The following RFWD3 variants were observed in gnomAD, a reference collection of about 807,000 sequenced individuals.
RFWD3 encodes ring finger and WD repeat domain 3.
In RFWD3, 65 loss-of-function variants were observed where a neutral mutation model predicts 87.7. The ratio of observed to expected loss-of-function variants is 0.74; its 90% CI spans 0.61 to 0.91. The LOEUF is 0.91. Ranked by LOEUF, RFWD3 falls within the 40% of genes least tolerant of loss-of-function variation. RFWD3 has a pLI of 0.00. For synonymous variants in RFWD3, 433 were observed against 352.8 expected (o/e 1.23, Z -2.55); for missense variants, 1,078 against 938.5 (o/e 1.15, Z -1.94).
chr16:74,642,799 T>A (rs1178242776), intron 6 of RFWD3, among the ~76,000 whole-genome samples: 1 of 152,180 alleles, frequency 6.6e-6, no homozygotes, highest in Non-Finnish European at 1.5e-5. Context: ...AGCCTATTTA[T>A]TTTCAAAAAG....
At position 74,628,465 on chromosome 16, in the gene RFWD3, C is replaced by G. The variant is rs137961728; in HGVS notation, c.1956G>C (p.Val652=). 3.2e-4 allele frequency: 515 copies of G among 1,614,114 alleles called. 2 individuals are homozygous for G. In the African/African-American group the frequency reaches 6.5e-3, roughly 20 times the overall value. Residue 652 remains valine (V), a synonymous_variant, in exon 11 of 13, where the codon GTG becomes GTC. Coordinates refer to ENST00000361070, the MANE Select transcript of RFWD3 (RefSeq NM_018124.4). ...QTENSSRHCL[V]TYRPDKNHTT... ...AGCACTACTTACCAGGCCTGTAGGT[C>G]ACAAGACAGTGCCGGGAGCTGTTCT... is the stretch of plus-strand genomic sequence containing the variant.
chr16:74,660,261 C>T (rs1237647787), intron 2 of RFWD3, among the ~76,000 whole-genome samples: 2 of 152,176 alleles, frequency 1.3e-5, no homozygotes, highest in Non-Finnish European at 2.9e-5. Flanking sequence ...CAGAGTGAGA[C>T]TCCATCTCAA....
In RFWD3 at chr16:74,644,561, G is replaced by C. The variant is rs747905365; in HGVS notation, c.967C>G (p.Gln323Glu). 7 of 1,614,036 alleles carry C rather than the reference G, an allele frequency of 4.3e-6. No homozygotes were observed. Among genetic ancestry groups the C allele is most frequent in the Admixed American group, 1.7e-5 (1 of 59,980 alleles). ...CTTACCTGGGGACATTTTCGTACTTGTCCTTTAAGCCACGTGGAAATGCAC... is the reference window on the plus strand; with the variant it reads ...CTTACCTGGGGACATTTTCGTACTTCTCCTTTAAGCCACGTGGAAATGCAC... ...YRCISTWLKG[Q>E]VRKCPQCNKK... Residue 323 changes from glutamine to glutamate, a missense_variant, in exon 5 of 13, where the codon CAA becomes GAA. Physicochemically the swap from Gln to Glu is conservative, Grantham distance 29. Transcript: ENST00000361070.
intron 11 of RFWD3, 68 bp from the exon 12 acceptor site, chr16:74,626,622 C>T: frequency 2.4e-6 from 3 of 1,258,312 alleles, no homozygotes; most frequent in Non-Finnish European, 2.3e-6. Context: ...AGTACCCAAA[C>T]CTCACACGCT....
In RFWD3 at chr16:74,630,874, T is replaced by C. The variant is rs779390145; in HGVS notation, c.1661A>G (p.Tyr554Cys). 6.2e-6 allele frequency: 10 copies of C among 1,614,076 alleles called. 1 individual carries two copies. The highest frequency in any genetic ancestry group is 6.8e-6 in the Non-Finnish European group (8 of 1,179,954). The change falls in exon 10 of 13, where the codon TAC becomes TGC. Residue 554 changes from tyrosine to cysteine, a missense_variant. Transcript: ENST00000361070. ...SCCWCLDEAN[Y>C]IYAGLANGSI... ...ACCATTGGCCAGTCCAGCATAGATG[T>C]AGTTAGCCTCATCAAGACACCAGCA...
At chr16:74,627,840 C>A (rs78199625) in intron 11 of RFWD3, among the ~76,000 whole-genome samples, 2,874 of 152,288 alleles carry the variant, frequency 0.019, 39 homozygotes, top group South Asian at 0.027. Context: ...TAGCCACTCT[C>A]CTGACAGAGA....
intron 2 of RFWD3, among the ~76,000 whole-genome samples, chr16:74,654,312 A>C (rs1960800802): frequency 6.6e-6 from 1 of 151,890 alleles, no homozygotes; most frequent in African/African-American, 2.4e-5. Flanking sequence ...TATTTCATTT[A>C]TTTATATGCT....
At chr16:74,624,526 G>T (rs767294942) in intron 12 of RFWD3, among the ~76,000 whole-genome samples, 1 of 152,142 alleles carries the variant, frequency 6.6e-6, no homozygotes, top group Non-Finnish European at 1.5e-5. Flanking sequence ...CTCCCAAGTA[G>T]CTGGGATTAC....
Position 74,626,455 on chromosome 16 carries a change from A to T in RFWD3, c.2069T>A (p.Phe690Tyr), listed in dbSNP as rs1958934966. Residue 690 changes from phenylalanine (F) to tyrosine (Y), a missense_variant, in exon 12 of 13, where the codon TTT (phenylalanine) becomes TAT (tyrosine). Phe to Tyr is a conservative substitution (Grantham distance 22). Coordinates refer to ENST00000361070, the MANE Select transcript of RFWD3 (RefSeq NM_018124.4). ...TAGTTTGCAAGTAGGTCCTCCAAAAAATGTATGTACAGGCTGGCAGGAGCA... is the reference window on the plus strand; with the variant it reads ...TAGTTTGCAAGTAGGTCCTCCAAAATATGTATGTACAGGCTGGCAGGAGCA... ...PICSCQPVHT[F>Y]FGGPTCKLLT... 1.2e-6 allele frequency: 2 copies of T among 1,614,196 alleles called. No homozygotes were observed. The highest frequency in any genetic ancestry group is 1.7e-5 in the Admixed American group (1 of 60,026).
intron 4 of RFWD3, among the ~76,000 whole-genome samples, chr16:74,644,996 T>A (rs1960009935): frequency 6.6e-6 from 1 of 152,258 alleles, no homozygotes; most frequent in Non-Finnish European, 1.5e-5. Flanking sequence ...GAAAAGCAGC[T>A]ATCCATATAA....
chr16:74,644,784 T>C, intron 4 of RFWD3, 49 bp from the exon 5 acceptor site: 1 of 1,547,398 alleles, frequency 6.5e-7, no homozygotes, highest in Non-Finnish European at 8.8e-7. Flanking sequence ...GTAAAATCAA[T>C]CTTGAAGAAG....
Position 74,661,365 on chromosome 16 carries a change from TGCTGGCCATGCCAGCAGGA to T in RFWD3, c.66_84del (p.Pro23AlafsTer32), listed in dbSNP as rs778617759. On this transcript the variant is annotated frameshift_variant, in exon 2 of 13. Transcript: ENST00000361070. LOFTEE classifies it high-confidence loss of function. ...TGGAGGAGGGCTGGTCCCCCTTGGC[TGCTGGCCATGCCAGCAGGA>T]GCTGGCTGTTGTTCGGCATGATTTA... is the stretch of plus-strand genomic sequence containing the variant. The T allele has an allele frequency of 1.2e-6, 2 of 1,614,106 alleles. No homozygotes were observed. The highest frequency in any genetic ancestry group is 1.3e-5 in the African/African-American group (1 of 75,066).
chr16:74,636,623 AT>A (rs1369475028), intron 7 of RFWD3, 46 bp from the exon 8 acceptor site: 1 of 1,340,534 alleles, frequency 7.5e-7, no homozygotes, highest in East Asian at 2.4e-5. Flanking sequence ...TTAATTTGAT[AT>A]TCCCCTCAAA....
intron 12 of RFWD3, among the ~76,000 whole-genome samples, chr16:74,624,679 G>T (rs920592464): frequency 2.0e-5 from 3 of 152,306 alleles, no homozygotes; most frequent in African/African-American, 7.2e-5. Flanking sequence ...TTACAGGCGT[G>T]AGCCACCGCG....
At chr16:74,650,702 T>C (rs1197204883) in intron 3 of RFWD3, among the ~76,000 whole-genome samples, 2 of 151,988 alleles carry the variant, frequency 1.3e-5, no homozygotes, top group East Asian at 1.9e-4. Context: ...CTGGACAACA[T>C]AGGGAGACCC....
At chr16:74,652,159 T>C (rs1960621098) in intron 2 of RFWD3, 37 bp from the exon 3 acceptor site, 1 of 1,562,626 alleles carries the variant, frequency 6.4e-7, no homozygotes, top group East Asian at 2.2e-5. Flanking sequence ...TATAGTACAA[T>C]GAACTATCAT....
chr16:74,623,836 G>A lies in RFWD3; in HGVS notation c.*92C>T, dbSNP rs755010961. 120 of 1,361,108 alleles carry A rather than the reference G, an allele frequency of 8.8e-5. No homozygotes were observed. Among genetic ancestry groups the A allele is most frequent in the Non-Finnish European group, 1.1e-4 (109 of 969,470 alleles). 84.3% of individuals were successfully genotyped at this position (1,361,108 alleles called of 1,614,324 possible). A position where few individuals can be genotyped will look rare whatever the true frequency, so the allele number is the denominator to read the frequency against. On this transcript the variant is annotated 3_prime_UTR_variant, in exon 13 of 13. Coordinates refer to ENST00000361070, the MANE Select transcript of RFWD3 (RefSeq NM_018124.4). Reference sequence around the variant, plus strand: ...ACCATGATTCCCAATGTTCTAGACTGCAGACAATAAACAGGGATCTTGCTT... The same window carrying A: ...ACCATGATTCCCAATGTTCTAGACTACAGACAATAAACAGGGATCTTGCTT...
chr16:74,653,113 T>C (rs959201165), intron 2 of RFWD3, among the ~76,000 whole-genome samples: 2 of 151,802 alleles, frequency 1.3e-5, no homozygotes, highest in African/African-American at 4.8e-5. Flanking sequence ...CCAAGGTGGG[T>C]AAACTGCTTG....
chr16:74,641,693 G>C (rs1320588837), intron 6 of RFWD3, among the ~76,000 whole-genome samples: 2 of 151,820 alleles, frequency 1.3e-5, no homozygotes, highest in South Asian at 2.1e-4. Flanking sequence ...GGGAGTCCAA[G>C]GCAGGCTGAT....
Sources: gnomAD v4.1 joint callset for allele counts (sites outside exome capture counted in the v4.1 genomes callset) on GRCh38, gnomAD v4.1.1 for gene constraint, MANE v1.5 for transcripts, NCBI Gene and HGNC (gene_info 2026-07-23, HGNC 2026-07-21) for gene names.